The following DNAH3 variants were observed in gnomAD, a reference collection of about 807,000 sequenced individuals.
DNAH3 encodes the protein axonemal beta dynein heavy chain 3.
In DNAH3, 332 loss-of-function variants were observed where a neutral mutation model predicts 432.5. The ratio of observed to expected loss-of-function variants is 0.77; its 90% CI spans 0.70 to 0.84. DNAH3 has a LOEUF of 0.84. DNAH3 is among the 40% of genes least tolerant of loss of function. The probability of loss-of-function intolerance (pLI) is 0.00; values close to 1 mark genes in which losing one functional copy is unlikely to be tolerated. For missense variants in DNAH3, 4,861 were observed against 5,114.0 expected (o/e 0.95, Z 1.51); for synonymous variants, 1,956 against 1,900.2 (o/e 1.03, Z -0.76).
intron 58 of DNAH3, 99 bp downstream of exon 58, chr16:20,944,397 C>T: frequency 7.1e-7 from 1 of 1,414,454 alleles, no homozygotes; most frequent in Non-Finnish European, 9.8e-7. Flanking sequence ...TGCCAGGCCC[C>T]CACTCTCTGC....
At chr16:21,103,744 A>C (rs1403522790) in intron 16 of DNAH3, among the ~76,000 whole-genome samples, 1 of 151,976 alleles carries the variant, frequency 6.6e-6, no homozygotes, top group Non-Finnish European at 1.5e-5. Context: ...TGGGAGTGGG[A>C]GTTTCTTATG....
chr16:21,092,244 G>A (rs535964643), intron 18 of DNAH3, among the ~76,000 whole-genome samples: 35 of 152,274 alleles, frequency 2.3e-4, no homozygotes, highest in African/African-American at 1.4e-4. Flanking sequence ...TCAAAAAAGC[G>A]TGGTATTGGC....
rs544379068 is a variant in DNAH3, at chr16:20,966,590, A to G, written c.8459-1165T>C. ...CCATCTACCTTTCCCTCAAAGCGGT[A>G]AACTTCTTCTGTTTTCTAGAACCTG... On this transcript the variant is annotated intron_variant, in intron 52 of 61. Coordinates refer to ENST00000261383, the Ensembl canonical transcript of DNAH3. Among the ~76,000 whole-genome samples, 12 of 152,316 alleles carry G rather than the reference A, an allele frequency of 7.9e-5. No homozygotes were observed. In the East Asian group the frequency reaches 1.7e-3, roughly 22 times the overall value.
At chr16:21,129,354 G>A (rs1203084662) in intron 7 of DNAH3, 1 of 152,416 alleles carries the variant, frequency 6.6e-6, no homozygotes, top group Non-Finnish European at 1.5e-5. Context: ...CACAGTAAAG[G>A]CTACCCATGG....
chr16:21,039,004 G>C (rs1194554716), intron 33 of DNAH3, among the ~76,000 whole-genome samples: 1 of 152,068 alleles, frequency 6.6e-6, no homozygotes, highest in South Asian at 2.1e-4. Flanking sequence ...ATTTTGCAAC[G>C]ATTATTCATA....
intron 51 of DNAH3, among the ~76,000 whole-genome samples, chr16:20,971,670 C>T (rs776852546): frequency 5.9e-5 from 9 of 152,130 alleles, no homozygotes; most frequent in Non-Finnish European, 1.0e-4. Flanking sequence ...CCTGGGTCAC[C>T]GCCTTACAAA....
intron 46 of DNAH3, 30 bp downstream of exon 46, chr16:20,987,663 G>C (rs1336783030): frequency 6.2e-7 from 1 of 1,609,268 alleles, no homozygotes; most frequent in Non-Finnish European, 8.5e-7. Flanking sequence ...TATGCTGAAT[G>C]ATCTTGGTAG....
chr16:20,969,475 CTG>C (rs1042493600), intron 52 of DNAH3, among the ~76,000 whole-genome samples: 1 of 152,236 alleles, frequency 6.6e-6, no homozygotes, highest in African/African-American at 2.4e-5. Flanking sequence ...ACACGTGACT[CTG>C]TGTTTGTTCC....
At chr16:21,080,953 T>A (rs1248970856) in intron 20 of DNAH3, among the ~76,000 whole-genome samples, 1 of 152,088 alleles carries the variant, frequency 6.6e-6, no homozygotes, top group Non-Finnish European at 1.5e-5. Flanking sequence ...AGTCTCACAC[T>A]GTCACCCAGG....
intron 29 of DNAH3, among the ~76,000 whole-genome samples, chr16:21,051,395 G>A (rs994481348): frequency 1.3e-5 from 2 of 152,264 alleles, no homozygotes; most frequent in South Asian, 2.1e-4. Flanking sequence ...CCATTGGAGA[G>A]CCCTCTACGT....
chr16:21,085,714 G>A (rs995838391), intron 19 of DNAH3, among the ~76,000 whole-genome samples: 1 of 151,806 alleles, frequency 6.6e-6, no homozygotes, highest in Non-Finnish European at 1.5e-5. Flanking sequence ...CTCTTCCTAG[G>A]GAGAACAAAG....
At chr16:21,133,248 G>T (rs181730200) in intron 7 of DNAH3, among the ~76,000 whole-genome samples, 30 of 151,040 alleles carry the variant, frequency 2.0e-4, no homozygotes, top group African/African-American at 7.3e-4. Context: ...CAACTACTCA[G>T]CTAACTTGGG....
chr16:20,967,713 G>C (rs1751715279), intron 52 of DNAH3, among the ~76,000 whole-genome samples: 2 of 150,816 alleles, frequency 1.3e-5, no homozygotes, highest in East Asian at 3.9e-4. Context: ...TCACCATGTT[G>C]GCCAGGCTGG....
exon 53 of DNAH3, chr16:20,965,232 C>A: frequency 6.2e-7 from 1 of 1,613,484 alleles, no homozygotes; most frequent in Non-Finnish European, 8.5e-7. Flanking sequence ...CCCACTTGCA[C>A]AGACCCTCGC....
At chr16:20,973,030 C>T (rs1284362289) in intron 51 of DNAH3, among the ~76,000 whole-genome samples, 1 of 151,894 alleles carries the variant, frequency 6.6e-6, no homozygotes, top group Non-Finnish European at 1.5e-5. Flanking sequence ...CGCCCAGCTG[C>T]CATGACCTAT....
chr16:21,037,752 G>T lies in DNAH3; in HGVS notation c.4950+9C>A, dbSNP rs548530598. 5.0e-6 allele frequency: 8 copies of T among 1,613,332 alleles called. No individual in the cohort carries two copies. Among genetic ancestry groups the T allele is most frequent in the East Asian group, 4.5e-5 (2 of 44,878 alleles). On this transcript the variant is annotated intron_variant, in intron 34 of 61. Coordinates refer to ENST00000261383, the Ensembl canonical transcript of DNAH3. ...TGGTCCTCGGCCAAGGTCCTGAACC[G>T]CTACATACCTGAAACAGAGGGACAT...
Position 21,102,934 on chromosome 16 carries a change from T to C in DNAH3, c.2366+1537A>G, listed in dbSNP as rs535884292. On this transcript the variant is annotated intron_variant, in intron 16 of 61. Transcript: ENST00000261383. ...CTCTGTCACCAGGCTGGTTTCAGCA[T>C]GTTGGTCAGGATGGTCTCAATCTCT... Among the ~76,000 whole-genome samples, 4 of 151,290 alleles carry C rather than the reference T, an allele frequency of 2.6e-5. No homozygotes were observed. The South Asian group carries it at 6.3e-4, about 24-fold the overall frequency.
intron 51 of DNAH3, among the ~76,000 whole-genome samples, chr16:20,970,712 T>C (rs1216921729): frequency 2.6e-5 from 4 of 152,164 alleles, no homozygotes; most frequent in East Asian, 1.9e-4. Flanking sequence ...TTTGGTATCA[T>C]TGATCATCCT....
chr16:21,080,893 A>C (rs2091161002), intron 20 of DNAH3, among the ~76,000 whole-genome samples: 2 of 152,152 alleles, frequency 1.3e-5, no homozygotes, highest in Non-Finnish European at 2.9e-5. Flanking sequence ...AGAAGGGAAG[A>C]AAGCAAGAGA....
Sources: gnomAD v4.1 joint callset for allele counts (sites outside exome capture counted in the v4.1 genomes callset) on GRCh38, gnomAD v4.1.1 for gene constraint, MANE v1.5 for transcripts, NCBI Gene and HGNC (gene_info 2026-07-23, HGNC 2026-07-21) for gene names.